Variants in SPTBN1 observed in about 807,000 individuals in gnomAD.
SPTBN1 encodes the protein spectrin beta chain, non-erythrocytic 1.
Under a neutral mutation model 266.4 loss-of-function variants are expected in SPTBN1, and 32 were observed. That is an observed-to-expected ratio of 0.12 (90% CI 0.09 to 0.16). SPTBN1 has a LOEUF of 0.16. SPTBN1 is among the 10% of genes least tolerant of loss of function. The pLI is 1.00. For missense variants in SPTBN1, 2,296 were observed against 3,067.1 expected (o/e 0.75, Z 5.94); for synonymous variants, 1,336 against 1,162.2 (o/e 1.15, Z -3.04).
intron 2 of SPTBN1, among the ~76,000 whole-genome samples, chr2:54,538,025 A>G (rs764891911): frequency 2.6e-5 from 4 of 152,246 alleles, no homozygotes; most frequent in South Asian, 2.1e-4. Flanking sequence ...GTAAGTAACA[A>G]TGAATGTTTA....
chr2:54,487,170 C>CTTTTTTTTTT (rs34779689), intron 1 of SPTBN1, among the ~76,000 whole-genome samples: 4 of 98,572 alleles, frequency 4.1e-5, no homozygotes, highest in East Asian at 3.1e-4. Context: ...ATTAGGATTT[C>CTTTTTTTTTT]TTTTTTTTTT....
intron 2 of SPTBN1, among the ~76,000 whole-genome samples, chr2:54,541,431 G>A (rs1437442594): frequency 2.6e-5 from 4 of 152,340 alleles, no homozygotes; most frequent in African/African-American, 4.8e-5. Flanking sequence ...GAGAAGAGGC[G>A]AGGCTGGAGG....
chr2:54,601,529 A>C (rs78877425), intron 3 of SPTBN1, among the ~76,000 whole-genome samples: 9,914 of 152,252 alleles, frequency 0.065, 407 homozygotes, highest in African/African-American at 0.11. Flanking sequence ...AGAACTAATG[A>C]GGTGGTTAGA....
chr2:54,512,387 T>C (rs900490351), intron 1 of SPTBN1, among the ~76,000 whole-genome samples: 1 of 152,212 alleles, frequency 6.6e-6, no homozygotes, highest in Non-Finnish European at 1.5e-5. Context: ...GGGGAAAGGC[T>C]TGTTGCTGCA....
intron 2 of SPTBN1, among the ~76,000 whole-genome samples, chr2:54,542,040 T>A (rs1671969718): frequency 6.6e-6 from 1 of 152,264 alleles, no homozygotes; most frequent in Non-Finnish European, 1.5e-5. Flanking sequence ...ACCTAAGTGA[T>A]CTATTTTTAA....
At chr2:54,529,448 C>T in intron 2 of SPTBN1, 1 of 710,730 alleles carries the variant, frequency 1.4e-6, no homozygotes, top group Non-Finnish European at 2.6e-6. Context: ...TGTCCACGGC[C>T]ACAAAAAAAA....
Position 54,615,654 on chromosome 2 carries a change from C to T in SPTBN1, c.475-553C>T, listed in dbSNP as rs141848400. On this transcript the variant is annotated intron_variant, in intron 4 of 35. Coordinates refer to ENST00000356805, the MANE Select transcript of SPTBN1 (RefSeq NM_003128.3). ...AGGTGATGGAGCCTGGATTCACATC[C>T]AGGCAGTCTGACTTTGGTGCCAGCC... Among the ~76,000 whole-genome samples the T allele has an allele frequency of 4.6e-5, 7 of 152,308 alleles. No homozygotes were observed. The East Asian group carries it at 1.3e-3, about 29-fold the overall frequency.
intron 16 of SPTBN1, among the ~76,000 whole-genome samples, chr2:54,632,339 C>A (rs970422296): frequency 6.6e-6 from 1 of 152,042 alleles, no homozygotes. Flanking sequence ...CCTTTCCTCA[C>A]TCTCTTTGGA....
rs531291001 is a variant in SPTBN1, at chr2:54,636,779, A to C, written c.3768-934A>C. ...GTTGCACTCTGCCTTTATCCATCTT[A>C]ATACCCTGAATATAGACTGGCTTTC... On this transcript the variant is annotated intron_variant, in intron 17 of 35. Transcript: ENST00000356805. Among the ~76,000 whole-genome samples, 3 of 152,338 alleles carry C rather than the reference A, an allele frequency of 2.0e-5. No homozygotes were observed. The South Asian group carries it at 6.2e-4, about 32-fold the overall frequency.
chr2:54,622,297 C>T lies in SPTBN1; in HGVS notation c.877-3C>T. 1.2e-6 allele frequency: 2 copies of T among 1,613,230 alleles called. No individual in the cohort carries two copies. The highest frequency in any genetic ancestry group is 1.7e-6 in the Non-Finnish European group (2 of 1,179,472). On this transcript the variant is annotated splice_polypyrimidine_tract_variant and splice_region_variant and intron_variant, in intron 8 of 35. Transcript: ENST00000356805. ...TTTCAATTTTTCTATCCCTTGTTGC[C>T]AGGTGCTTGACAATGCTATTGAAAC...
chr2:54,619,988 A>G lies in SPTBN1; in HGVS notation c.764-1412A>G, dbSNP rs374846649. Among the ~76,000 whole-genome samples the G allele has an allele frequency of 5.3e-5, 8 of 152,360 alleles. 1 individual carries two copies. The South Asian group carries it at 1.0e-3, about 20-fold the overall frequency. Reference sequence around the variant, plus strand: ...GTATATTGAAAAAGAGCCTGATAATATCTGTTAAGAGCTGTCCTTTGTGTT... The same window carrying G: ...GTATATTGAAAAAGAGCCTGATAATGTCTGTTAAGAGCTGTCCTTTGTGTT... On this transcript the variant is annotated intron_variant, in intron 7 of 35. Coordinates refer to ENST00000356805, the MANE Select transcript of SPTBN1 (RefSeq NM_003128.3).
chr2:54,641,295 GCTCT>G (rs146633488), intron 18 of SPTBN1, among the ~76,000 whole-genome samples: 15 of 151,158 alleles, frequency 9.9e-5, no homozygotes, highest in South Asian at 6.3e-4. Context: ...TATGTAGCGC[GCTCT>G]CTCTCTCTCT....
chr2:54,484,724 G>C (rs1002386883), intron 1 of SPTBN1, among the ~76,000 whole-genome samples: 1 of 150,582 alleles, frequency 6.6e-6, no homozygotes, highest in Non-Finnish European at 1.5e-5. Context: ...GGAGTAGTTC[G>C]TTGGTTTTCC....
chr2:54,567,594 A>C (rs1242624584), intron 2 of SPTBN1, among the ~76,000 whole-genome samples: 1 of 152,018 alleles, frequency 6.6e-6, no homozygotes, highest in Non-Finnish European at 1.5e-5. Flanking sequence ...ATATTCACGG[A>C]TTGCAAGTGC....
At position 54,629,064 on chromosome 2, in the gene SPTBN1, T is replaced by A; in HGVS notation, c.1930T>A (p.Phe644Ile). ...LEESRRLWKF[F>I]WEMAEEEGWI... ...AGAGTCCCGCCGCCTCTGGAAGTTC[T>A]TCTGGGAGATGGCAGAAGAGGAAGG... The change falls in exon 14 of 36, where the codon TTC becomes ATC. Residue 644 changes from phenylalanine to isoleucine, a missense_variant. Physicochemically the swap from Phe to Ile is conservative, Grantham distance 21. This residue lies in a region of SPTBN1 where 434 missense variants were observed against 573.9 expected (regional missense o/e 0.76). Transcript: ENST00000356805. 1 of 1,613,864 alleles carries A rather than the reference T, an allele frequency of 6.2e-7. No individual in the cohort carries two copies. The highest frequency in any genetic ancestry group is 1.3e-5 in the African/African-American group (1 of 75,058).
chr2:54,487,304 G>C (rs1484429245), intron 1 of SPTBN1, among the ~76,000 whole-genome samples: 1 of 150,238 alleles, frequency 6.7e-6, no homozygotes, highest in African/African-American at 2.5e-5. Context: ...TTCACGTAAT[G>C]AAATTAAGCA....
intron 2 of SPTBN1, among the ~76,000 whole-genome samples, chr2:54,538,987 C>G (rs189841387): frequency 0.01 from 1,599 of 152,312 alleles, 14 homozygotes; most frequent in Middle Eastern, 0.037. Flanking sequence ...CCAGCCCTGG[C>G]CAGGAGCCCT....
intron 1 of SPTBN1, among the ~76,000 whole-genome samples, chr2:54,519,401 T>A (rs911946922): frequency 4.6e-5 from 7 of 151,958 alleles, no homozygotes; most frequent in Admixed American, 3.9e-4. Flanking sequence ...TCTAAGGTTG[T>A]CTAATTCAGA....
chr2:54,630,044 A>G lies in SPTBN1; in HGVS notation c.2807+15A>G. ...CTCAACACAAGGTGAGCACGTGGCC[A>G]GCAGTGTGCCAGCCTCCCACGTGTG... On this transcript the variant is annotated intron_variant, in intron 15 of 35. Transcript: ENST00000356805. 6.2e-7 allele frequency: 1 copy of G among 1,611,536 alleles called. No homozygotes were observed. Among genetic ancestry groups the G allele is most frequent in the Non-Finnish European group, 8.5e-7 (1 of 1,178,790 alleles).
Sources: gnomAD v4.1 joint callset for allele counts (sites outside exome capture counted in the v4.1 genomes callset) on GRCh38, gnomAD v4.1.1 for gene constraint, gnomAD v4.1.1 regional missense constraint, MANE v1.5 for transcripts, NCBI Gene and HGNC (gene_info 2026-07-23, HGNC 2026-07-21) for gene names.